BNIP2: variants seen among roughly 807,000 people sequenced by gnomAD.
The protein encoded by BNIP2 is BCL2/adenovirus E1B 19 kDa protein-interacting protein 2.
Under a neutral mutation model 43.4 loss-of-function variants are expected in BNIP2, and 36 were observed. That is an observed-to-expected ratio of 0.83 (90% CI 0.64 to 1.10). The LOEUF (loss-of-function observed/expected upper bound fraction) is 1.10. BNIP2 is among the 50% of genes least tolerant of loss of function. The pLI is 0.00. For synonymous variants in BNIP2, 146 were observed against 121.0 expected, an observed-to-expected ratio of 1.21 and a Z score of -1.35; for missense variants, 417 against 374.1, an observed-to-expected ratio of 1.11 and a Z score of -0.95.
chr15:59,662,855 CTT>C lies in BNIP2; in HGVS notation c.*1212_*1213del, dbSNP rs1217478045. On this transcript the variant is annotated 3_prime_UTR_variant, in exon 10 of 10. Coordinates refer to ENST00000607373, the MANE Select transcript of BNIP2 (RefSeq NM_004330.4). ...AGAAATAATTTTGTCGGTAATTAAA[CTT>C]TTTGTTTGGAGGCACAAACACAATT... 3 of 152,144 alleles carry C rather than the reference CTT, an allele frequency of 2.0e-5. No homozygotes were observed. The highest frequency in any genetic ancestry group is 2.0e-4 in the Admixed American group (3 of 15,282). The allele number at this position is 152,144 out of a possible 1,614,324, so 9.4% of individuals were successfully genotyped here. A position where few individuals can be genotyped will look rare whatever the true frequency, so the allele number is the denominator to read the frequency against.
At chr15:59,688,727 C>A in intron 1 of BNIP2, 1 of 1,535,700 alleles carries the variant, frequency 6.5e-7, no homozygotes, top group South Asian at 1.2e-5. Flanking sequence ...GGTTACGAGG[C>A]ATACCAGAAG....
chr15:59,661,238 G>C lies in BNIP2; in HGVS notation c.*2831C>G, dbSNP rs1043726822. 2.0e-5 allele frequency: 3 copies of C among 148,300 alleles called. No individual in the cohort carries two copies. Among genetic ancestry groups the C allele is most frequent in the African/African-American group, 7.5e-5 (3 of 40,024 alleles). 9.2% of individuals were successfully genotyped at this position (148,300 alleles called of 1,614,324 possible). A position where few individuals can be genotyped will look rare whatever the true frequency, so the allele number is the denominator to read the frequency against. ...CCAGCTACTCAGGAGGCTGAGGCAG[G>C]AGAAATGCTTGAACCCGGGAGGCAG... On this transcript the variant is annotated 3_prime_UTR_variant, in exon 10 of 10. Coordinates refer to ENST00000607373, the MANE Select transcript of BNIP2 (RefSeq NM_004330.4).
At chr15:59,672,585 A>G in intron 6 of BNIP2, 52 bp downstream of exon 6, 1 of 1,356,204 alleles carries the variant, frequency 7.4e-7, no homozygotes, top group Non-Finnish European at 1.0e-6. Context: ...TAAGGTGTAG[A>G]TCTAATTAGC....
chr15:59,680,230 C>T lies in BNIP2; in HGVS notation c.118+11G>A. ...CCATAATTTCAATGAAAGTAAGTGT[C>T]AAGCTCTTACCAGGCTGGTCCTCTG... On this transcript the variant is annotated intron_variant, in intron 3 of 9. Transcript: ENST00000607373. 6.4e-7 allele frequency: 1 copy of T among 1,551,508 alleles called. No individual in the cohort carries two copies. The highest frequency in any genetic ancestry group is 2.3e-5 in the East Asian group (1 of 43,824).
Position 59,680,303 on chromosome 15 carries a change from A to C in BNIP2, c.56T>G (p.Leu19Ter). The change falls in exon 3 of 10, where the codon TTA becomes TGA. Residue 19 changes from leucine (L) to a stop codon, truncating the protein, a stop_gained. Transcript: ENST00000607373. LOFTEE classifies it high-confidence loss of function. ...TGCTTCAATACTATCATCTTCTGGT[A>C]AAGGTCTAGAAGACACAGGCATACT... Reference protein sequence around the residue: ...EWQDEDFPIPLPEDDSIEADI... With the variant: ...EWQDEDFPIP 6.3e-7 allele frequency: 1 copy of C among 1,599,700 alleles called. No individual in the cohort carries two copies.
At chr15:59,688,387 GA>G (rs1894153703) in intron 1 of BNIP2, 1 of 209,106 alleles carries the variant, frequency 4.8e-6, no homozygotes, top group South Asian at 5.8e-5. Flanking sequence ...TCCTAATCAA[GA>G]GAAGGTGAGA....
rs754263928 is a variant in BNIP2, at chr15:59,674,090, C to CAAAAAAA, written c.473-1358_473-1352dup. Among the ~76,000 whole-genome samples the CAAAAAAA allele has an allele frequency of 8.7e-5, 8 of 91,448 alleles. 1 individual carries two copies. The highest frequency in any genetic ancestry group is 6.8e-4 in the South Asian group (2 of 2,946). The allele number at this position is 91,448 out of a possible 152,430, so 60.0% of individuals were successfully genotyped here. ...GGGCAACAGAGCAAGACTTGGGTCT[C>CAAAAAAA]AAAAAAAAAACAAAAACAAAAACAA... On this transcript the variant is annotated intron_variant, in intron 5 of 9. Coordinates refer to ENST00000607373, the MANE Select transcript of BNIP2 (RefSeq NM_004330.4).
In BNIP2 at chr15:59,679,643, A is replaced by C; in HGVS notation, c.244T>G (p.Leu82Val). The change falls in exon 4 of 10, where the codon TTA becomes GTA. Residue 82 changes from leucine (L) to valine (V), a missense_variant. By Grantham distance (32) the Leu-to-Val change is conservative (BLOSUM62 1). Transcript: ENST00000607373. The part of the protein sequence containing the change: ...DDLDESGEID[L>V]DGLDTPSENS... The stretch of plus-strand genomic sequence containing the variant: ...TCTGACGGTGTGTCTAAGCCATCTA[A>C]GTCAATCTCCCCACTTTCATCCAAA... The C allele has an allele frequency of 6.2e-7, 1 of 1,613,328 alleles. No homozygotes were observed. The highest frequency in any genetic ancestry group is 8.5e-7 in the Non-Finnish European group (1 of 1,179,590).
intron 1 of BNIP2, among the ~76,000 whole-genome samples, chr15:59,684,070 A>C (rs1370873294): frequency 2.0e-5 from 3 of 152,266 alleles, no homozygotes; most frequent in African/African-American, 4.8e-5. Context: ...ATGTTCCGTA[A>C]TGACAAAATT....
At chr15:59,666,389 G>C (rs892543289) in intron 9 of BNIP2, among the ~76,000 whole-genome samples, 3 of 152,188 alleles carry the variant, frequency 2.0e-5, no homozygotes, top group Admixed American at 6.5e-5. Flanking sequence ...GGTTTAGGCT[G>C]GGCGTGGTAG....
chr15:59,660,343 A>G lies in BNIP2; in HGVS notation c.*3726T>C, dbSNP rs1892188207. 1 of 152,222 alleles carries G rather than the reference A, an allele frequency of 6.6e-6. No individual in the cohort carries two copies. The highest frequency in any genetic ancestry group is 2.1e-4 in the South Asian group (1 of 4,836). The allele number at this position is 152,222 out of a possible 1,614,324, so 9.4% of individuals were successfully genotyped here. ...GCATGAAAACAAAATAGAATGGTGT[A>G]GCAATCTCTATTTTCAGCCTATCTC... On this transcript the variant is annotated 3_prime_UTR_variant, in exon 10 of 10. Transcript: ENST00000607373.
chr15:59,660,587 T>C lies in BNIP2; in HGVS notation c.*3482A>G, dbSNP rs1477191093. ...CTGAGCATTCACATAAACAGCCAAA[T>C]AGAAATGTTATATAGTCTTTTTAAA... On this transcript the variant is annotated 3_prime_UTR_variant, in exon 10 of 10. Transcript: ENST00000607373. 1 of 152,190 alleles carries C rather than the reference T, an allele frequency of 6.6e-6. No homozygotes were observed. The highest frequency in any genetic ancestry group is 2.4e-5 in the African/African-American group (1 of 41,442). The allele number at this position is 152,190 out of a possible 1,614,324, so 9.4% of individuals were successfully genotyped here.
intron 9 of BNIP2, among the ~76,000 whole-genome samples, chr15:59,666,486 G>C (rs1892575681): frequency 1.3e-5 from 2 of 152,144 alleles, no homozygotes; most frequent in South Asian, 2.1e-4. Context: ...GGCCAACATG[G>C]TGAAACCCAG....
chr15:59,678,154 A>C lies in BNIP2; in HGVS notation c.296-67T>G, dbSNP rs551676409. ...ACAAAAATCAAATTATACGTTAACC[A>C]CTTTACTACCTAGATTTTACAGAGA... On this transcript the variant is annotated intron_variant, in intron 4 of 9. Transcript: ENST00000607373. 32 of 1,487,402 alleles carry C rather than the reference A, an allele frequency of 2.2e-5. No homozygotes were observed. In the East Asian group the frequency reaches 7.3e-4, roughly 34 times the overall value. The allele number at this position is 1,487,402 out of a possible 1,614,324, so 92.1% of individuals were successfully genotyped here.
chr15:59,675,383 A>T (rs1236227076), intron 5 of BNIP2, among the ~76,000 whole-genome samples: 2 of 151,864 alleles, frequency 1.3e-5, no homozygotes, highest in African/African-American at 4.8e-5. Flanking sequence ...GGCTGGGGTG[A>T]GCAAATCACG....
intron 4 of BNIP2, chr15:59,678,645 G>C: frequency 2.6e-6 from 3 of 1,169,710 alleles, no homozygotes; most frequent in Non-Finnish European, 3.2e-6. Context: ...ATTAGCCAAA[G>C]CATAAGCACC....
chr15:59,682,628 C>A, intron 1 of BNIP2, 114 bp from the exon 2 acceptor site: 2 of 726,368 alleles, frequency 2.8e-6, no homozygotes, highest in Non-Finnish European at 2.0e-6. Flanking sequence ...ATGGTCTGGT[C>A]ATGAAATTCA....
In BNIP2 at chr15:59,679,787, G is replaced by A; in HGVS notation, c.119-19C>T. ...AGTGAGCCTGGAATTGGAAAATAAAGAAAAAGATACGTAACAAGGAATGCT... is the reference window on the plus strand; with the variant it reads ...AGTGAGCCTGGAATTGGAAAATAAAAAAAAAGATACGTAACAAGGAATGCT... On this transcript the variant is annotated intron_variant, in intron 3 of 9. Coordinates refer to ENST00000607373, the MANE Select transcript of BNIP2 (RefSeq NM_004330.4). 4 of 1,446,578 alleles carry A rather than the reference G, an allele frequency of 2.8e-6. No homozygotes were observed. In the South Asian group the frequency reaches 4.8e-5, roughly 17 times the overall value. The allele number at this position is 1,446,578 out of a possible 1,614,324, so 89.6% of individuals were successfully genotyped here.
rs1892761239 is a variant in BNIP2 at position 59,669,369 on chromosome 15, T to C, written c.708-7A>G. ...TTTTAGATTTTTCCGTAACCTGGAG[T>C]TTAAAAAAAAAACACACACACACAA... On this transcript the variant is annotated splice_region_variant and splice_polypyrimidine_tract_variant and intron_variant, in intron 7 of 9. Transcript: ENST00000607373. 6.8e-7 allele frequency: 1 copy of C among 1,475,446 alleles called. No individual in the cohort carries two copies. The highest frequency in any genetic ancestry group is 9.1e-7 in the Non-Finnish European group (1 of 1,104,970). 91.4% of individuals were successfully genotyped at this position (1,475,446 alleles called of 1,614,324 possible).
Sources: gnomAD v4.1 joint callset for allele counts (sites outside exome capture counted in the v4.1 genomes callset) on GRCh38, gnomAD v4.1.1 for gene constraint, MANE v1.5 for transcripts, NCBI Gene and HGNC (gene_info 2026-07-23, HGNC 2026-07-21) for gene names.